Variants in AOAH observed in about 807,000 individuals in gnomAD.
AOAH encodes the protein acyloxyacyl hydrolase.
In AOAH, 64 loss-of-function variants were observed where a neutral mutation model predicts 92.2. That is an observed-to-expected ratio of 0.69 (90% CI 0.57 to 0.86). The LOEUF is 0.86. AOAH is among the 40% of genes least tolerant of loss of function. AOAH has a pLI of 0.00. For synonymous variants in AOAH, 263 were observed against 254.5 expected (o/e 1.03, Z -0.32); for missense variants, 656 against 694.6 (o/e 0.94, Z 0.62).
chr7:36,519,871 T>G (rs1784023664), intron 20 of AOAH, among the ~76,000 whole-genome samples: 1 of 152,240 alleles, frequency 6.6e-6, no homozygotes, highest in Non-Finnish European at 1.5e-5. Flanking sequence ...TACTATAATT[T>G]TAAATGGCAG....
At chr7:36,581,567 A>G in intron 12 of AOAH, among the ~76,000 whole-genome samples, 1 of 152,208 alleles carries the variant, frequency 6.6e-6, no homozygotes, top group Non-Finnish European at 1.5e-5. Flanking sequence ...TTTATGGTCA[A>G]TAAAGAGGGG....
intron 12 of AOAH, among the ~76,000 whole-genome samples, chr7:36,586,967 G>T (rs1485990897): frequency 1.3e-5 from 2 of 151,998 alleles, no homozygotes; most frequent in African/African-American, 4.8e-5. Flanking sequence ...TTTGGTGAGG[G>T]TATATTAAGA....
At chr7:36,661,969 T>G (rs1424903136) in intron 3 of AOAH, among the ~76,000 whole-genome samples, 1 of 152,206 alleles carries the variant, frequency 6.6e-6, no homozygotes, top group African/African-American at 2.4e-5. Flanking sequence ...ACTTTGTGAG[T>G]AAGCAGCAGT....
chr7:36,583,981 C>T (rs555612065), intron 12 of AOAH, among the ~76,000 whole-genome samples: 1 of 152,302 alleles, frequency 6.6e-6, no homozygotes, highest in Non-Finnish European at 1.5e-5. Context: ...ACCTAAACGG[C>T]ATTTCTCAAA....
intron 1 of AOAH, among the ~76,000 whole-genome samples, chr7:36,719,992 C>A (rs569822117): frequency 6.6e-6 from 1 of 151,760 alleles, no homozygotes; most frequent in Admixed American, 6.6e-5. Context: ...ATCAGAAATC[C>A]AGCTGCCTAA....
At chr7:36,537,565 G>A (rs1204648223) in intron 16 of AOAH, among the ~76,000 whole-genome samples, 3 of 149,346 alleles carry the variant, frequency 2.0e-5, no homozygotes, top group Non-Finnish European at 4.4e-5. Context: ...GTTGCCCAGG[G>A]TGGAGGGCAA....
At chr7:36,589,299 A>G (rs955703475) in intron 12 of AOAH, among the ~76,000 whole-genome samples, 4 of 152,174 alleles carry the variant, frequency 2.6e-5, no homozygotes, top group African/African-American at 9.7e-5. Context: ...ATGGAGTCCC[A>G]TGTTTATTTA....
chr7:36,712,382 C>T (rs1798826288), intron 1 of AOAH, among the ~76,000 whole-genome samples: 1 of 152,014 alleles, frequency 6.6e-6, no homozygotes, highest in Non-Finnish European at 1.5e-5. Flanking sequence ...TAAAAAGCTT[C>T]CTGAGTACCA....
chr7:36,589,467 T>A (rs1252641620), intron 12 of AOAH, among the ~76,000 whole-genome samples: 1 of 152,156 alleles, frequency 6.6e-6, no homozygotes, highest in Non-Finnish European at 1.5e-5. Context: ...ACAGGCTAGT[T>A]AAGGAGTAGG....
In AOAH at chr7:36,614,609, T is replaced by G. The variant is rs1454079677; in HGVS notation, c.846+1771A>C. On this transcript the variant is annotated intron_variant, in intron 11 of 20. Coordinates refer to ENST00000617537, the MANE Select transcript of AOAH (RefSeq NM_001637.4). This position sits in a 1 kb window ranked among gnomAD's most constrained non-coding sequence, Gnocchi z 4.2. Reference sequence around the variant, plus strand: ...CTTCTCCTTCTTGCCCTGCGACTGCTGCACCCTCCAACAAAGTGGCAATTA... The same window carrying G: ...CTTCTCCTTCTTGCCCTGCGACTGCGGCACCCTCCAACAAAGTGGCAATTA... Among the ~76,000 whole-genome samples, 1 of 152,150 alleles carries G rather than the reference T, an allele frequency of 6.6e-6. No individual in the cohort carries two copies. The highest frequency in any genetic ancestry group is 1.5e-5 in the Non-Finnish European group (1 of 68,018).
chr7:36,684,485 G>C (rs931590908), intron 2 of AOAH, among the ~76,000 whole-genome samples: 2 of 152,062 alleles, frequency 1.3e-5, no homozygotes, highest in African/African-American at 4.8e-5. Flanking sequence ...TGGGAAAAAT[G>C]TTTCTAAAAT....
chr7:36,569,553 A>G lies in AOAH; in HGVS notation c.1021+7021T>C, dbSNP rs146606095. On this transcript the variant is annotated intron_variant, in intron 13 of 20. Transcript: ENST00000617537. ...CCAGATTTACATATATATATATAAA[A>G]CTACCAGATTTACATATCTATCTAT... 3.5e-4 allele frequency among the ~76,000 whole-genome samples: 53 copies of G among 151,270 alleles called. 2 individuals carry two copies. Among genetic ancestry groups the G allele is most frequent in the African/African-American group, 1.0e-3 (43 of 41,182 alleles).
intron 20 of AOAH, among the ~76,000 whole-genome samples, chr7:36,521,299 C>T (rs1393904797): frequency 6.6e-6 from 1 of 152,196 alleles, no homozygotes; most frequent in African/African-American, 2.4e-5. Context: ...CAGCTTTCAA[C>T]ATTTTACAAG....
intron 13 of AOAH, among the ~76,000 whole-genome samples, chr7:36,558,064 C>T (rs1786915884): frequency 6.6e-6 from 1 of 152,174 alleles, no homozygotes; most frequent in Non-Finnish European, 1.5e-5. Flanking sequence ...AGGCGCTCTG[C>T]TTTTTAGAGT....
intron 9 of AOAH, among the ~76,000 whole-genome samples, chr7:36,619,147 C>A (rs1792107329): frequency 6.6e-6 from 1 of 152,280 alleles, no homozygotes; most frequent in East Asian, 1.9e-4. Context: ...TGAGAGCTCC[C>A]CATGCCCATT....
intron 12 of AOAH, among the ~76,000 whole-genome samples, chr7:36,587,988 G>T (rs1789474487): frequency 6.6e-6 from 1 of 152,200 alleles, no homozygotes. Context: ...GCCTACACAA[G>T]TGCTTTTCCC....
intron 16 of AOAH, among the ~76,000 whole-genome samples, chr7:36,538,996 C>T (rs6948127): frequency 0.47 from 71,747 of 152,024 alleles, 16,971 homozygotes; most frequent in Admixed American, 0.5. Context: ...GACCCTTACT[C>T]TTTTCCCAGG....
intron 19 of AOAH, among the ~76,000 whole-genome samples, chr7:36,527,202 A>T (rs1468292653): frequency 6.6e-6 from 1 of 152,236 alleles, no homozygotes; most frequent in Non-Finnish European, 1.5e-5. Context: ...TGCTGGACTG[A>T]GGCTGTCAGG....
At chr7:36,678,583 GTGTGTGTGTGTGTGTGT>G in intron 2 of AOAH, among the ~76,000 whole-genome samples, 2 of 133,712 alleles carry the variant, frequency 1.5e-5, no homozygotes, top group African/African-American at 6.4e-5. Context: ...GTGTGTGTGT[GTGTGTGTGTGTGTGTGT>G]GCGCGCGCGC....
Sources: allele counts gnomAD v4.1 joint callset (sites outside exome capture counted in the v4.1 genomes callset), GRCh38; gene constraint gnomAD v4.1.1; non-coding constraint Gnocchi (gnomAD v3.1); transcripts MANE v1.5; gene names NCBI Gene and HGNC (gene_info 2026-07-23, HGNC 2026-07-21).